Variants in SEPTIN6 observed in about 807,000 individuals in gnomAD.
SEPTIN6 encodes the protein septin-6.
SEPTIN6 carries 8 observed loss-of-function variants against 33.6 expected under a neutral mutation model. That is an observed-to-expected ratio of 0.24 (90% CI 0.14 to 0.43). SEPTIN6 has a LOEUF of 0.43. Among genes scored for constraint, SEPTIN6 ranks in the 20% least tolerant of loss-of-function variants. The probability of loss-of-function intolerance (pLI) is 1.00; values close to 1 mark genes in which losing one functional copy is unlikely to be tolerated. For synonymous variants in SEPTIN6, 131 were observed against 140.0 expected (o/e 0.94, Z 0.45); for missense variants, 250 against 340.8 (o/e 0.73, Z 2.10).
downstream of SEPTIN6, chrX:119,616,310 C>T (rs776800807): frequency 2.6e-5 from 8 of 312,840 alleles, no homozygotes; most frequent in South Asian, 3.9e-5. Flanking sequence ...GTCAACCCAT[C>T]GAACCAGAGA....
Position 119,617,119 on chromosome X carries a change from TGTGTGTGTG to T in SEPTIN6, c.*2965_*2973del. 2.0e-5 allele frequency: 16 copies of T among 797,601 alleles called. No individual in the cohort carries two copies. The highest frequency in any genetic ancestry group is 2.4e-5 in the Non-Finnish European group (16 of 670,149). 65.7% of individuals were successfully genotyped at this position (797,601 alleles called of 1,213,427 possible). A position where few individuals can be genotyped will look rare whatever the true frequency, so the allele number is the denominator to read the frequency against. On this transcript the variant is annotated 3_prime_UTR_variant, in exon 11 of 11. Coordinates refer to ENST00000394610, the MANE Select transcript of SEPTIN6 (RefSeq NM_145799.4). ...GTGTACGTGTGTGTGTGTGTGTGTG[TGTGTGTGTG>T]TGTGTGTGTGTGTGTGTGTGTTTCA...
At chrX:119,629,549 G>A (rs2053922470) in intron 8 of SEPTIN6, 41 bp from the exon 9 acceptor site, 1 of 1,165,830 alleles carries the variant, frequency 8.6e-7, no homozygotes, top group African/African-American at 1.8e-5. Flanking sequence ...AATCCCCTGT[G>A]AGCAGTCCCC....
At chrX:119,621,575 G>A (rs1019658059) in intron 10 of SEPTIN6, among the ~76,000 whole-genome samples, 1 of 106,581 alleles carries the variant, frequency 9.4e-6, no homozygotes, top group Non-Finnish European at 1.9e-5. Context: ...CACTGCAACC[G>A]CCGCCTCTGG....
In SEPTIN6 at chrX:119,625,230, G is replaced by A. The variant is rs1390164640; in HGVS notation, c.*41+105C>T. 3 of 551,336 alleles carry A rather than the reference G, an allele frequency of 5.4e-6. No homozygotes were observed. The Admixed American group carries it at 8.6e-5, about 16-fold the overall frequency. 45.4% of individuals were successfully genotyped at this position (551,336 alleles called of 1,213,427 possible). On this transcript the variant is annotated intron_variant, in intron 10 of 10. Transcript: ENST00000394610. ...ACGAGAGAAAACCAGCTAGACCAAT[G>A]AAGCAGCTTCTTCTACGATTAGATG... is the stretch of plus-strand genomic sequence containing the variant.
chrX:119,647,483 C>T (rs868170645), intron 5 of SEPTIN6, among the ~76,000 whole-genome samples: 12 of 74,387 alleles, frequency 1.6e-4, no homozygotes, highest in East Asian at 3.9e-4. Context: ...TTCTCTCTCT[C>T]TTTTTTTTTT....
At position 119,634,556 on chromosome X, in the gene SEPTIN6, G is replaced by A. The variant is rs188523737; in HGVS notation, c.957-1064C>T. Among the ~76,000 whole-genome samples the A allele has an allele frequency of 1.2e-3, 138 of 111,098 alleles. 1 individual carries two copies. The highest frequency in any genetic ancestry group is 4.3e-3 in the African/African-American group (133 of 30,619). On this transcript the variant is annotated intron_variant, in intron 7 of 10. Coordinates refer to ENST00000394610, the MANE Select transcript of SEPTIN6 (RefSeq NM_145799.4). ...GGCAGACAAAGTTCCTGAGCCTGGA[G>A]GAAGAGAACAGGCTTTGAATGCCAT...
intron 2 of SEPTIN6, among the ~76,000 whole-genome samples, chrX:119,671,530 C>T (rs970593923): frequency 8.2e-5 from 9 of 110,233 alleles, no homozygotes; most frequent in African/African-American, 9.9e-5. Flanking sequence ...CCTCATGATC[C>T]GCCCACCTCG....
chrX:119,676,970 A>G lies in SEPTIN6; in HGVS notation c.31-1302T>C, dbSNP rs147782711. On this transcript the variant is annotated intron_variant, in intron 1 of 10. Transcript: ENST00000394610. ...TTCCCCATCCATAAAATCGGAAACT[A>G]TTGAGTAGGAGTGTGAGGATTATAC... 5.4e-4 allele frequency among the ~76,000 whole-genome samples: 61 copies of G among 112,165 alleles called. No individual in the cohort carries two copies. In the East Asian group the frequency reaches 0.013, roughly 24 times the overall value.
chrX:119,677,402 G>C (rs753011478), intron 1 of SEPTIN6, among the ~76,000 whole-genome samples: 1 of 112,441 alleles, frequency 8.9e-6, no homozygotes, highest in East Asian at 2.8e-4. Flanking sequence ...ACAGGGGAGG[G>C]GAGGGGACAG....
In SEPTIN6 at chrX:119,651,258, C is replaced by T. The variant is rs151106122; in HGVS notation, c.529-1160G>A. On this transcript the variant is annotated intron_variant, in intron 4 of 10. Transcript: ENST00000394610. ...CCGCTGGGTCAAGGAAAGACTGAAC[C>T]GTGGAGGCACCTCCCTTGAAGTCTT... 5.5e-3 allele frequency among the ~76,000 whole-genome samples: 617 copies of T among 112,087 alleles called. 6 individuals carry two copies. Among genetic ancestry groups the T allele is most frequent in the African/African-American group, 0.019 (589 of 30,882 alleles).
intron 2 of SEPTIN6, among the ~76,000 whole-genome samples, chrX:119,670,560 CAA>C (rs764828469): frequency 2.5e-5 from 1 of 39,572 alleles, no homozygotes. Context: ...GACTCTGTCT[CAA>C]AAAAAAAAAA....
intron 3 of SEPTIN6, among the ~76,000 whole-genome samples, chrX:119,662,396 T>A (rs1360164871): frequency 8.9e-6 from 1 of 111,863 alleles, no homozygotes; most frequent in Non-Finnish European, 1.9e-5. Context: ...CGGAATGCCA[T>A]CACCATGTGT....
chrX:119,631,410 G>A (rs1380128007), intron 8 of SEPTIN6, among the ~76,000 whole-genome samples: 2 of 109,832 alleles, frequency 1.8e-5, no homozygotes, highest in Admixed American at 1.9e-4. Flanking sequence ...TCGATCTCCT[G>A]ACCTTGTCAT....
At chrX:119,640,000 C>T (rs567324547) in intron 6 of SEPTIN6, among the ~76,000 whole-genome samples, 2 of 102,365 alleles carry the variant, frequency 2.0e-5, no homozygotes, top group South Asian at 8.9e-4. Flanking sequence ...TTAGTAGAAA[C>T]GGGGTTTCAC....
At chrX:119,624,036 C>A (rs368643305) in intron 10 of SEPTIN6, 10 of 336,920 alleles carry the variant, frequency 3.0e-5, no homozygotes, top group African/African-American at 1.3e-4. Context: ...TCCTTACCTG[C>A]TGATCTCCTT....
Position 119,619,655 on chromosome X carries a change from C to A in SEPTIN6, c.*438G>T. On this transcript the variant is annotated 3_prime_UTR_variant, in exon 11 of 11. Transcript: ENST00000394610. ...ACAGGAGACCAAGGGGACAGCTGTGCTGATCGGTGGTTACCCAGCCATGGT... is the reference window on the plus strand; with the variant it reads ...ACAGGAGACCAAGGGGACAGCTGTGATGATCGGTGGTTACCCAGCCATGGT... 1 of 881,519 alleles carries A rather than the reference C, an allele frequency of 1.1e-6. No individual in the cohort carries two copies. The highest frequency in any genetic ancestry group is 2.1e-5 in the African/African-American group (1 of 48,599). The allele number at this position is 881,519 out of a possible 1,213,427, so 72.6% of individuals were successfully genotyped here.
chrX:119,631,783 G>A (rs1203753555), intron 8 of SEPTIN6, among the ~76,000 whole-genome samples: 1 of 107,250 alleles, frequency 9.3e-6, no homozygotes, highest in African/African-American at 3.4e-5. Context: ...TTTTTTTTGA[G>A]ATGGAGTCTC....
intron 5 of SEPTIN6, among the ~76,000 whole-genome samples, chrX:119,647,923 A>G (rs866597936): frequency 2.3e-4 from 22 of 96,246 alleles, no homozygotes; most frequent in Middle Eastern, 5.0e-3. Context: ...AAAGTGTTGG[A>G]ATTACAGGCG....
At chrX:119,654,565 C>A (rs1412939679) in intron 3 of SEPTIN6, among the ~76,000 whole-genome samples, 1 of 111,608 alleles carries the variant, frequency 9.0e-6, no homozygotes, top group African/African-American at 3.3e-5. Flanking sequence ...CCAGGCTGAG[C>A]CTTTCTGAAA....
Sources: gnomAD v4.1 joint callset for allele counts (sites outside exome capture counted in the v4.1 genomes callset) on GRCh38, gnomAD v4.1.1 for gene constraint, MANE v1.5 for transcripts, NCBI Gene and HGNC (gene_info 2026-07-23, HGNC 2026-07-21) for gene names.